NPSR1: variants seen among roughly 807,000 people sequenced by gnomAD.
NPSR1 encodes the protein neuropeptide S receptor.
In NPSR1, 48 loss-of-function variants were observed where a neutral mutation model predicts 46.9. The ratio of observed to expected loss-of-function variants is 1.02; its 90% CI spans 0.81 to 1.30. NPSR1 has a LOEUF of 1.30. Ranked by LOEUF, NPSR1 falls within the 50% of genes most tolerant of loss-of-function variation. The pLI is 0.00. For missense variants in NPSR1, 450 were observed against 449.5 expected, an observed-to-expected ratio of 1.00 and a Z score of -0.01; for synonymous variants, 176 against 168.1, an observed-to-expected ratio of 1.05 and a Z score of -0.36.
intron 3 of NPSR1, 109 bp downstream of exon 3, chr7:34,778,674 C>A: frequency 1.6e-6 from 1 of 639,890 alleles, no homozygotes; most frequent in South Asian, 2.0e-5. Flanking sequence ...ATCAAACTGC[C>A]CGCTTTCTCC....
chr7:34,867,688 TG>T (rs561660244), intron 8 of NPSR1, among the ~76,000 whole-genome samples: 171 of 152,014 alleles, frequency 1.1e-3, no homozygotes, highest in Non-Finnish European at 1.7e-3. Flanking sequence ...AATGGGTCAC[TG>T]GGGAGACAAA....
chr7:34,677,318 A>G (rs1396106233), intron 1 of NPSR1, among the ~76,000 whole-genome samples: 2 of 152,192 alleles, frequency 1.3e-5, no homozygotes, highest in South Asian at 2.1e-4. Context: ...CCGACGCTCT[A>G]TGTGAAAAGC....
chr7:34,696,173 G>A (rs1485568355), intron 2 of NPSR1, among the ~76,000 whole-genome samples: 1 of 149,526 alleles, frequency 6.7e-6, no homozygotes, highest in East Asian at 2.0e-4. Flanking sequence ...CAGAAACATA[G>A]ATAAAGCTAG....
intron 1 of NPSR1, among the ~76,000 whole-genome samples, chr7:34,666,825 T>C (rs980869213): frequency 7.2e-5 from 11 of 152,174 alleles, no homozygotes; most frequent in African/African-American, 2.7e-4. Flanking sequence ...TGTTATTATC[T>C]ACATTACAAA....
At chr7:34,834,095 T>C in intron 5 of NPSR1, 1 of 412,448 alleles carries the variant, frequency 2.4e-6, no homozygotes, top group East Asian at 4.2e-5. Context: ...AGGCCTGTTT[T>C]TGGATTCTAA....
At chr7:34,852,926 T>G (rs796638005), downstream of NPSR1, among the ~76,000 whole-genome samples, 21 of 152,332 alleles carry the variant, frequency 1.4e-4, no homozygotes, top group African/African-American at 4.8e-4. Context: ...TTTACTGAAC[T>G]AAATTAAATA....
At chr7:34,747,660 G>A (rs998090373) in intron 2 of NPSR1, among the ~76,000 whole-genome samples, 3 of 152,046 alleles carry the variant, frequency 2.0e-5, no homozygotes, top group African/African-American at 4.8e-5. Context: ...ACCCACGCAC[G>A]CATGTGACTG....
At chr7:34,876,970 A>G (rs1227516718) in intron 8 of NPSR1, among the ~76,000 whole-genome samples, 1 of 152,184 alleles carries the variant, frequency 6.6e-6, no homozygotes, top group Non-Finnish European at 1.5e-5. Flanking sequence ...TGCAGGTCAC[A>G]TGGCAGAGCC....
rs1381987822 is a variant in NPSR1, at chr7:34,849,740, G to A, written c.*85G>A. 13 of 1,580,016 alleles carry A rather than the reference G, an allele frequency of 8.2e-6. No individual in the cohort carries two copies. The highest frequency in any genetic ancestry group is 2.3e-5 in the South Asian group (2 of 85,882). Reference sequence around the variant, plus strand: ...CTGCTTGGGCACGTGCATGGAACCCGAGCCAACTTCACCCCACCCTCGTCA... The same window carrying A: ...CTGCTTGGGCACGTGCATGGAACCCAAGCCAACTTCACCCCACCCTCGTCA... On this transcript the variant is annotated 3_prime_UTR_variant, in exon 9 of 9. Coordinates refer to ENST00000360581, the MANE Select transcript of NPSR1 (RefSeq NM_207172.2).
downstream of NPSR1, among the ~76,000 whole-genome samples, chr7:34,854,513 TATATTAATAA>T: frequency 6.6e-6 from 1 of 152,144 alleles, no homozygotes; most frequent in Non-Finnish European, 1.5e-5. Flanking sequence ...CTGGTAAGGC[TATATTAATAA>T]AGACTAAATA....
intron 2 of NPSR1, among the ~76,000 whole-genome samples, chr7:34,721,626 G>A (rs957608570): frequency 4.6e-5 from 7 of 152,162 alleles, no homozygotes; most frequent in Non-Finnish European, 1.0e-4. Context: ...ACAAAATTAT[G>A]TATTTATAAT....
At chr7:34,794,136 G>A (rs150481205) in intron 3 of NPSR1, among the ~76,000 whole-genome samples, 4 of 151,840 alleles carry the variant, frequency 2.6e-5, no homozygotes, top group African/African-American at 7.3e-5. Context: ...ATAGAGGAAC[G>A]GGTTCTAGTG....
At chr7:34,848,770 C>T in intron 8 of NPSR1, 107 bp downstream of exon 8, 2 of 987,988 alleles carry the variant, frequency 2.0e-6, no homozygotes, top group Admixed American at 2.3e-5. Context: ...TTACAGGATC[C>T]CCCTTTTATA....
chr7:34,772,000 G>A (rs1786707703), intron 2 of NPSR1, among the ~76,000 whole-genome samples: 1 of 152,156 alleles, frequency 6.6e-6, no homozygotes, highest in Non-Finnish European at 1.5e-5. Context: ...TCACCATTGG[G>A]GGATGCTTTG....
intron 2 of NPSR1, among the ~76,000 whole-genome samples, chr7:34,731,842 G>A (rs1474243559): frequency 1.3e-5 from 2 of 152,124 alleles, no homozygotes; most frequent in Admixed American, 1.3e-4. Context: ...TGTGAAAAGA[G>A]AGGAACACAA....
At chr7:34,764,782 T>A (rs1583974284) in intron 2 of NPSR1, among the ~76,000 whole-genome samples, 1 of 152,090 alleles carries the variant, frequency 6.6e-6, no homozygotes. Flanking sequence ...AATTCTCTCA[T>A]ATGCAACACC....
chr7:34,812,728 T>C (rs1054099136), intron 4 of NPSR1, among the ~76,000 whole-genome samples: 1 of 152,210 alleles, frequency 6.6e-6, no homozygotes, highest in Non-Finnish European at 1.5e-5. Flanking sequence ...TACAAAGCCA[T>C]TGTTTAGCAA....
At chr7:34,689,331 C>T (rs1293084422) in intron 2 of NPSR1, among the ~76,000 whole-genome samples, 1 of 152,140 alleles carries the variant, frequency 6.6e-6, no homozygotes, top group Non-Finnish European at 1.5e-5. Flanking sequence ...TGGGGCCAGG[C>T]ACAGTGGCTC....
chr7:34,773,609 C>T (rs1235532254), intron 2 of NPSR1, among the ~76,000 whole-genome samples: 1 of 152,160 alleles, frequency 6.6e-6, no homozygotes, highest in African/African-American at 2.4e-5. Flanking sequence ...AGTCGAATCT[C>T]CTGAAGACCT....
Sources: gnomAD v4.1 joint callset for allele counts (sites outside exome capture counted in the v4.1 genomes callset) on GRCh38, gnomAD v4.1.1 for gene constraint, MANE v1.5 for transcripts, NCBI Gene and HGNC (gene_info 2026-07-23, HGNC 2026-07-21) for gene names.